Variants in BMP7 observed in about 807,000 individuals in gnomAD.
BMP7 encodes osteogenic protein 1.
BMP7 carries 12 observed loss-of-function variants against 41.2 expected under a neutral mutation model. That is an observed-to-expected ratio of 0.29 (90% CI 0.19 to 0.47). BMP7 has a LOEUF of 0.47. Ranked by LOEUF, BMP7 falls within the 20% of genes least tolerant of loss-of-function variation. BMP7 has a pLI of 0.99. For synonymous variants in BMP7, 248 were observed against 250.0 expected (o/e 0.99, Z 0.07); for missense variants, 467 against 606.0 (o/e 0.77, Z 2.41).
At chr20:57,265,574 C>A (rs2066173411) in intron 1 of BMP7, 131 bp downstream of exon 1, 3 of 1,415,638 alleles carry the variant, frequency 2.1e-6, no homozygotes, top group South Asian at 1.2e-5. Flanking sequence ...GGTGGGAGAC[C>A]CTCGGGCAGG....
chr20:57,244,829 T>TC (rs1600641526), intron 1 of BMP7, among the ~76,000 whole-genome samples: 1 of 151,876 alleles, frequency 6.6e-6, no homozygotes, highest in South Asian at 2.1e-4. Flanking sequence ...GCTCAGACCT[T>TC]CCCCCCAGAG....
In BMP7 at chr20:57,266,469, A is replaced by T; in HGVS notation, c.-347T>A. On this transcript the variant is annotated 5_prime_UTR_variant, in exon 1 of 7. Transcript: ENST00000395863. The stretch of plus-strand genomic sequence containing the variant: ...AGCCAACGCCGGGGAGGCAGCGAGG[A>T]GGCAGGCGGGCGGGCGAGCGCTCCT... The T allele has an allele frequency of 5.8e-6, 1 of 172,292 alleles. No homozygotes were observed. The highest frequency in any genetic ancestry group is 1.2e-5 in the Non-Finnish European group (1 of 81,626). 10.7% of individuals were successfully genotyped at this position (172,292 alleles called of 1,614,324 possible).
intron 1 of BMP7, among the ~76,000 whole-genome samples, chr20:57,260,333 C>T (rs1293616093): frequency 6.6e-6 from 1 of 152,200 alleles, no homozygotes; most frequent in Non-Finnish European, 1.5e-5. Flanking sequence ...ACTGCCTCTA[C>T]ACACATGTCC....
At chr20:57,231,497 C>T (rs754661861) in intron 1 of BMP7, among the ~76,000 whole-genome samples, 5 of 152,168 alleles carry the variant, frequency 3.3e-5, no homozygotes, top group Non-Finnish European at 7.3e-5. Context: ...GTGGAAGAGA[C>T]CAGGTCTGCC....
chr20:57,221,079 G>A (rs976158290), intron 2 of BMP7, among the ~76,000 whole-genome samples: 2 of 152,114 alleles, frequency 1.3e-5, no homozygotes, highest in African/African-American at 2.4e-5. Flanking sequence ...TATGTGCCAG[G>A]CTCTAGGCAA....
chr20:57,257,928 C>T (rs947014612), intron 1 of BMP7, among the ~76,000 whole-genome samples: 5 of 151,344 alleles, frequency 3.3e-5, no homozygotes, highest in African/African-American at 1.2e-4. Context: ...AAGAGCTTAG[C>T]TTTTTCTTTT....
chr20:57,244,570 G>GT (rs2066082229), intron 1 of BMP7, among the ~76,000 whole-genome samples: 1 of 152,240 alleles, frequency 6.6e-6, no homozygotes, highest in Non-Finnish European at 1.5e-5. Context: ...ATCACCAGCA[G>GT]TGACCCAGGA....
At chr20:57,210,239 C>G (rs1222012183) in intron 2 of BMP7, among the ~76,000 whole-genome samples, 1 of 152,194 alleles carries the variant, frequency 6.6e-6, no homozygotes, top group Non-Finnish European at 1.5e-5. Flanking sequence ...CTGGGGACAG[C>G]GTGCTGCTGG....
In BMP7 at chr20:57,265,686, C is replaced by A. The variant is rs1449329365; in HGVS notation, c.418+19G>T. ...GTGCCCCCGAAAGGAGACGCGTACCCTCGCCTGCCCTTACTCACCGAGGTT... is the reference window on the plus strand; with the variant it reads ...GTGCCCCCGAAAGGAGACGCGTACCATCGCCTGCCCTTACTCACCGAGGTT... On this transcript the variant is annotated intron_variant, in intron 1 of 6. Transcript: ENST00000395863. 1 of 1,589,784 alleles carries A rather than the reference C, an allele frequency of 6.3e-7. No individual in the cohort carries two copies. Among genetic ancestry groups the A allele is most frequent in the Non-Finnish European group, 8.6e-7 (1 of 1,168,044 alleles).
intron 2 of BMP7, among the ~76,000 whole-genome samples, chr20:57,222,550 G>A (rs1985212152): frequency 1.3e-5 from 2 of 152,112 alleles, no homozygotes; most frequent in African/African-American, 4.8e-5. Flanking sequence ...TTCAGTCTCG[G>A]TTCTGGAGTG....
At chr20:57,199,404 T>A (rs898684613) in intron 3 of BMP7, among the ~76,000 whole-genome samples, 3 of 152,198 alleles carry the variant, frequency 2.0e-5, no homozygotes, top group Non-Finnish European at 2.9e-5. Flanking sequence ...AAAAGCTACA[T>A]ACTGGGTGCA....
intron 2 of BMP7, among the ~76,000 whole-genome samples, chr20:57,209,247 TTTTATATATATATATATATATA>T (rs1243682648): frequency 1.4e-5 from 1 of 69,876 alleles, no homozygotes; most frequent in Non-Finnish European, 2.8e-5. Flanking sequence ...ATTTATATAT[TTTTATATATATATATATATATA>T]TATATATATA....
At chr20:57,190,441 CT>C in intron 3 of BMP7, among the ~76,000 whole-genome samples, 1 of 125,968 alleles carries the variant, frequency 7.9e-6, no homozygotes, top group African/African-American at 2.8e-5. Flanking sequence ...GGGGGTGAGG[CT>C]GGAGAGCGTG....
chr20:57,248,364 C>A (rs151181024), intron 1 of BMP7, among the ~76,000 whole-genome samples: 1 of 152,330 alleles, frequency 6.6e-6, no homozygotes, highest in African/African-American at 2.4e-5. Flanking sequence ...ATGCCAGCTG[C>A]ATACATTCAC....
intron 6 of BMP7, chr20:57,172,936 A>G (rs147308717): frequency 6.5e-4 from 394 of 606,208 alleles, no homozygotes; most frequent in Non-Finnish European, 9.5e-4. Flanking sequence ...AGCATCCTCA[A>G]AGGAGCCCAT....
rs1983743059 is a variant in BMP7, at chr20:57,168,819, T to C, written c.*2140A>G. 6.6e-6 allele frequency: 1 copy of C among 152,208 alleles called. No individual in the cohort carries two copies. The highest frequency in any genetic ancestry group is 2.1e-4 in the South Asian group (1 of 4,828). 9.4% of individuals were successfully genotyped at this position (152,208 alleles called of 1,614,324 possible). On this transcript the variant is annotated 3_prime_UTR_variant, in exon 7 of 7. Transcript: ENST00000395863. Reference sequence around the variant, plus strand: ...TTTCATTTTGTCTATTTATACAGAATTTTCACTAAGGACTGCTCGACGCAA... The same window carrying C: ...TTTCATTTTGTCTATTTATACAGAACTTTCACTAAGGACTGCTCGACGCAA...
chr20:57,201,749 A>ATCATTTCT (rs1447530672), intron 3 of BMP7, among the ~76,000 whole-genome samples: 44 of 152,248 alleles, frequency 2.9e-4, no homozygotes, highest in Admixed American at 7.2e-4. Context: ...GCTACAAGAT[A>ATCATTTCT]TCATTTCTTA....
At chr20:57,207,721 G>T (rs1027743369) in intron 2 of BMP7, among the ~76,000 whole-genome samples, 1 of 150,714 alleles carries the variant, frequency 6.6e-6, no homozygotes, top group Admixed American at 6.6e-5. Context: ...AATGCAAAAT[G>T]CAAAAATTGG....
At chr20:57,254,655 A>C (rs935489525) in intron 1 of BMP7, among the ~76,000 whole-genome samples, 7 of 151,910 alleles carry the variant, frequency 4.6e-5, no homozygotes, top group Admixed American at 1.3e-4. Context: ...AGTAAAAAAA[A>C]AAAAACAAAA....
Sources: allele counts gnomAD v4.1 joint callset (sites outside exome capture counted in the v4.1 genomes callset), GRCh38; gene constraint gnomAD v4.1.1; transcripts MANE v1.5; gene names NCBI Gene and HGNC (gene_info 2026-07-23, HGNC 2026-07-21).